Variants in WDR59 observed in about 807,000 individuals in gnomAD.
WDR59 encodes GATOR2 complex protein WDR59.
Under a neutral mutation model 131.2 loss-of-function variants are expected in WDR59, and 100 were observed. The ratio of observed to expected loss-of-function variants is 0.76; its 90% CI spans 0.65 to 0.90. The LOEUF (loss-of-function observed/expected upper bound fraction) is 0.90. Among genes scored for constraint, WDR59 ranks in the 40% least tolerant of loss-of-function variants. WDR59 has a pLI of 0.00. For missense variants in WDR59, 1,203 were observed against 1,262.2 expected (o/e 0.95, Z 0.71); for synonymous variants, 601 against 466.2 (o/e 1.29, Z -3.72).
intron 19 of WDR59, among the ~76,000 whole-genome samples, chr16:74,893,304 A>G (rs1965130465): frequency 1.3e-5 from 2 of 152,186 alleles, no homozygotes; most frequent in Non-Finnish European, 2.9e-5. Context: ...GCTGGTCTCA[A>G]GACGAAATTT....
chr16:74,963,859 C>T (rs1413177610), intron 2 of WDR59, among the ~76,000 whole-genome samples: 3 of 151,352 alleles, frequency 2.0e-5, no homozygotes, highest in Non-Finnish European at 2.9e-5. Flanking sequence ...ATCACATCAG[C>T]GAATACACTC....
At chr16:74,876,485 CTT>C (rs1964219434) in intron 25 of WDR59, among the ~76,000 whole-genome samples, 1 of 152,188 alleles carries the variant, frequency 6.6e-6, no homozygotes, top group African/African-American at 2.4e-5. Context: ...TAACTGTAAA[CTT>C]AATTATTCTC....
chr16:74,981,658 A>ATTTTTTTTTTTTTTTTTTTTTTTTTT (rs2034430352), intron 1 of WDR59, among the ~76,000 whole-genome samples: 1 of 75,522 alleles, frequency 1.3e-5, no homozygotes, highest in African/African-American at 8.1e-5. Flanking sequence ...ATATATATAT[A>ATTTTTTTTTTTTTTTTTTTTTTTTTT]TATTTTTTTT....
intron 8 of WDR59, among the ~76,000 whole-genome samples, chr16:74,935,088 G>A (rs1320986138): frequency 6.6e-6 from 1 of 151,992 alleles, no homozygotes; most frequent in Non-Finnish European, 1.5e-5. Flanking sequence ...AATTAGCCTG[G>A]CATGTTGGTG....
intron 1 of WDR59, 131 bp from the exon 2 acceptor site, chr16:74,965,953 A>T: frequency 3.7e-6 from 3 of 811,130 alleles, no homozygotes; most frequent in Non-Finnish European, 6.0e-6. Flanking sequence ...AGTTCTCTAC[A>T]GTGGATGCTT....
chr16:74,912,854 G>T (rs1159939070), intron 13 of WDR59, among the ~76,000 whole-genome samples: 1 of 152,256 alleles, frequency 6.6e-6, no homozygotes, highest in African/African-American at 2.4e-5. Context: ...GCTATCTGCA[G>T]CAGGAGTATG....
At chr16:74,927,105 G>A (rs919695224) in intron 8 of WDR59, among the ~76,000 whole-genome samples, 3 of 152,098 alleles carry the variant, frequency 2.0e-5, no homozygotes, top group Non-Finnish European at 4.4e-5. Flanking sequence ...TTGAGTACGT[G>A]GGAAGAGATG....
At chr16:74,984,540 T>C (rs762356090) in intron 1 of WDR59, 1 of 210,478 alleles carries the variant, frequency 4.8e-6, no homozygotes, top group Non-Finnish European at 9.8e-6. Context: ...CAGTGTTTCA[T>C]CGAATTCACC....
At chr16:74,949,851 A>G in intron 4 of WDR59, 53 bp from the exon 5 acceptor site, 1 of 1,554,950 alleles carries the variant, frequency 6.4e-7, no homozygotes, top group Non-Finnish European at 8.8e-7. Context: ...TTCAGAGTCC[A>G]GGTCCAAAGC....
chr16:74,885,976 A>AG, intron 24 of WDR59, 181 bp from the exon 25 acceptor site: 1 of 755,372 alleles, frequency 1.3e-6, no homozygotes, highest in Non-Finnish European at 2.1e-6. Flanking sequence ...CAGGAGTTTG[A>AG]GACCAGCCTG....
At chr16:74,894,867 G>A (rs1035906985) in intron 18 of WDR59, among the ~76,000 whole-genome samples, 4 of 152,156 alleles carry the variant, frequency 2.6e-5, no homozygotes, top group African/African-American at 9.7e-5. Context: ...AGATTAATGA[G>A]CGTACAATGA....
In WDR59 at chr16:74,872,299, A is replaced by C. The variant is rs564284741; in HGVS notation, c.*1910T>G. ...CATGTCCTAGTCCCTAAGCTAATCT[A>C]CTTGGAACTGTAAAATTCTAAGAAA... is the stretch of plus-strand genomic sequence containing the variant. On this transcript the variant is annotated 3_prime_UTR_variant, in exon 26 of 26. Coordinates refer to ENST00000262144, the MANE Select transcript of WDR59 (RefSeq NM_030581.4). 31 of 152,330 alleles carry C rather than the reference A, an allele frequency of 2.0e-4. No individual in the cohort carries two copies. Among genetic ancestry groups the C allele is most frequent in the African/African-American group, 7.5e-4 (31 of 41,570 alleles). The allele number at this position is 152,330 out of a possible 1,614,324, so 9.4% of individuals were successfully genotyped here. A position where few individuals can be genotyped will look rare whatever the true frequency, so the allele number is the denominator to read the frequency against.
intron 21 of WDR59, 125 bp downstream of exon 21, chr16:74,889,578 G>T (rs1452348531): frequency 1.4e-6 from 1 of 693,976 alleles, no homozygotes; most frequent in Non-Finnish European, 2.5e-6. Flanking sequence ...TGAAAGGAAA[G>T]ATCCTACTCC....
chr16:74,922,112 G>C lies in WDR59; in HGVS notation c.730-9C>G, dbSNP rs943629071. 1.9e-6 allele frequency: 3 copies of C among 1,613,714 alleles called. No homozygotes were observed. Among genetic ancestry groups the C allele is most frequent in the African/African-American group, 1.3e-5 (1 of 74,908 alleles). On this transcript the variant is annotated splice_polypyrimidine_tract_variant and intron_variant, in intron 9 of 25. Transcript: ENST00000262144. ...AATCCATTGCTGAAAGGCTAAGGCA[G>C]GGAAGGGAAAAGCAGGTGATTAGAT...
chr16:74,881,523 G>A (rs1217050470), intron 25 of WDR59, among the ~76,000 whole-genome samples: 1 of 152,070 alleles, frequency 6.6e-6, no homozygotes, highest in African/African-American at 2.4e-5. Flanking sequence ...GCTGTGTCCT[G>A]TATTGAAGCA....
At chr16:74,950,219 GT>G (rs1289982472) in intron 4 of WDR59, among the ~76,000 whole-genome samples, 2 of 152,042 alleles carry the variant, frequency 1.3e-5, no homozygotes, top group African/African-American at 4.8e-5. Context: ...GCACACACCT[GT>G]AATCCCAGCT....
chr16:74,887,602 T>C (rs1964828975), intron 23 of WDR59, 81 bp downstream of exon 23: 1 of 1,277,778 alleles, frequency 7.8e-7, no homozygotes, highest in South Asian at 1.3e-5. Flanking sequence ...ATATGGAGAC[T>C]AAGCATCAAC....
rs181052919 is a variant in WDR59 at position 74,962,137 on chromosome 16, C to G, written c.104+3636G>C. On this transcript the variant is annotated intron_variant, in intron 2 of 25. Transcript: ENST00000262144. ...TTATTTCTGATATCTCTATTCTATT[C>G]CATTGGTCTATATGTCTGCTTTGTG... Among the ~76,000 whole-genome samples, 14 of 152,140 alleles carry G rather than the reference C, an allele frequency of 9.2e-5. No individual in the cohort carries two copies. In the East Asian group the frequency reaches 2.7e-3, roughly 29 times the overall value.
At chr16:74,923,517 A>C (rs1265279684) in intron 9 of WDR59, among the ~76,000 whole-genome samples, 1 of 151,992 alleles carries the variant, frequency 6.6e-6, no homozygotes, top group Non-Finnish European at 1.5e-5. Flanking sequence ...TCGCTCTGTC[A>C]CCCAGGCTGG....
Sources: allele counts gnomAD v4.1 joint callset (sites outside exome capture counted in the v4.1 genomes callset), GRCh38; gene constraint gnomAD v4.1.1; transcripts MANE v1.5; gene names NCBI Gene and HGNC (gene_info 2026-07-23, HGNC 2026-07-21).